The following TINAG variants were observed in gnomAD, a reference collection of about 807,000 sequenced individuals.
TINAG encodes the protein tubulointerstitial nephritis antigen.
In TINAG, 83 loss-of-function variants were observed where a neutral mutation model predicts 72.7. That is an observed-to-expected ratio of 1.14 (90% CI 0.96 to 1.37). TINAG has a LOEUF of 1.37. Among genes scored for constraint, TINAG ranks in the 40% most tolerant of loss-of-function variants. The pLI is 0.00. For missense variants in TINAG, 685 were observed against 576.6 expected (o/e 1.19, Z -1.93); for synonymous variants, 234 against 189.9 (o/e 1.23, Z -1.91).
At chr6:54,339,810 AAGG>A (rs2150952047) in intron 4 of TINAG, among the ~76,000 whole-genome samples, 1 of 152,300 alleles carries the variant, frequency 6.6e-6, no homozygotes, top group South Asian at 2.1e-4. Context: ...TTAGATTGTA[AAGG>A]TCATAACAGA....
intron 1 of TINAG, among the ~76,000 whole-genome samples, chr6:54,310,719 TTTC>T (rs1337334661): frequency 5.6e-5 from 7 of 124,132 alleles, no homozygotes; most frequent in Non-Finnish European, 5.5e-5. Flanking sequence ...TCTCTCCCTC[TTTC>T]TTTTTTCTCT....
At chr6:54,335,839 G>T (rs1344806699) in intron 4 of TINAG, among the ~76,000 whole-genome samples, 5 of 152,162 alleles carry the variant, frequency 3.3e-5, no homozygotes, top group Non-Finnish European at 7.3e-5. Flanking sequence ...TTCAATGCAT[G>T]ATAGACTATA....
At chr6:54,376,212 T>A (rs1763771799) in intron 9 of TINAG, among the ~76,000 whole-genome samples, 1 of 152,206 alleles carries the variant, frequency 6.6e-6, no homozygotes, top group Admixed American at 6.6e-5. Context: ...GTTCAAAACA[T>A]GCTCTTTTTA....
intron 4 of TINAG, among the ~76,000 whole-genome samples, chr6:54,327,711 A>T (rs182108619): frequency 2.1e-4 from 32 of 152,250 alleles, no homozygotes; most frequent in African/African-American, 7.5e-4. Flanking sequence ...CTGGCTTGAC[A>T]TTCTCACTGC....
intron 9 of TINAG, among the ~76,000 whole-genome samples, chr6:54,363,035 G>A (rs1209119138): frequency 5.9e-5 from 9 of 151,600 alleles, no homozygotes; most frequent in South Asian, 2.1e-4. Flanking sequence ...GAGAAACGTC[G>A]CTGAGGAAGT....
chr6:54,354,473 T>G, intron 8 of TINAG, 40 bp from the exon 9 acceptor site: 1 of 1,565,520 alleles, frequency 6.4e-7, no homozygotes, highest in South Asian at 1.2e-5. Context: ...AAGATGATAT[T>G]TTAATACTGT....
chr6:54,350,138 A>G (rs943340355), intron 7 of TINAG, among the ~76,000 whole-genome samples: 1 of 152,118 alleles, frequency 6.6e-6, no homozygotes, highest in Non-Finnish European at 1.5e-5. Context: ...ATAGGGTTTT[A>G]AAATTATGTT....
intron 9 of TINAG, chr6:54,365,232 G>C (rs529228047): frequency 6.6e-6 from 1 of 151,472 alleles, no homozygotes; most frequent in South Asian, 2.1e-4. Flanking sequence ...CATTTAATTC[G>C]GGTGTTAGAA....
At position 54,347,373 on chromosome 6, in the gene TINAG, C is replaced by T. The variant is rs189982994; in HGVS notation, c.755C>T (p.Ala252Val). Residue 252 changes from alanine to valine, a missense_variant, in exon 6 of 11, where the codon GCT becomes GTT. Physicochemically the swap from Ala to Val is moderately conservative, Grantham distance 64. Coordinates refer to ENST00000259782, the MANE Select transcript of TINAG (RefSeq NM_014464.4). The stretch of plus-strand genomic sequence containing the variant: ...GATATTCTATTTGAAACAGGTGTGG[C>T]TGCTGACCGAATAGCAATTCAGTCT... Reference protein sequence around the residue: ...ASWAFSTASVAADRIAIQSKG... With the variant: ...ASWAFSTASVVADRIAIQSKG... The T allele has an allele frequency of 6.2e-7, 1 of 1,612,324 alleles. No homozygotes were observed. The highest frequency in any genetic ancestry group is 1.3e-5 in the African/African-American group (1 of 74,932).
chr6:54,317,228 C>G (rs1285905999), intron 1 of TINAG, among the ~76,000 whole-genome samples: 1 of 150,188 alleles, frequency 6.7e-6, no homozygotes, highest in Non-Finnish European at 1.5e-5. Flanking sequence ...CTACCATTCT[C>G]TCTCGCTTTC....
At chr6:54,367,423 A>C (rs1365222212) in intron 9 of TINAG, among the ~76,000 whole-genome samples, 1 of 151,806 alleles carries the variant, frequency 6.6e-6, no homozygotes, top group Non-Finnish European at 1.5e-5. Context: ...AATTTGCCTG[A>C]CCTTGAAGTG....
intron 7 of TINAG, 26 bp downstream of exon 7, chr6:54,349,922 A>G: frequency 6.7e-7 from 1 of 1,491,374 alleles, no homozygotes; most frequent in Non-Finnish European, 9.0e-7. Context: ...AAGAATCAAG[A>G]ATAGTTGGCT....
chr6:54,355,075 G>T (rs1201851394), intron 9 of TINAG, among the ~76,000 whole-genome samples: 1 of 151,854 alleles, frequency 6.6e-6, no homozygotes, highest in Admixed American at 6.6e-5. Flanking sequence ...GAGAATTGTA[G>T]AAATTAGATT....
At chr6:54,358,383 G>T (rs535369158) in intron 9 of TINAG, among the ~76,000 whole-genome samples, 1 of 151,924 alleles carries the variant, frequency 6.6e-6, no homozygotes, top group South Asian at 2.1e-4. Context: ...ATTATTTACT[G>T]AGGTAGCCAA....
intron 7 of TINAG, among the ~76,000 whole-genome samples, chr6:54,350,941 C>G (rs774221610): frequency 4.0e-5 from 6 of 151,670 alleles, no homozygotes; most frequent in Admixed American, 2.6e-4. Flanking sequence ...GAGTGCCCTG[C>G]CTCCCTACAG....
intron 10 of TINAG, among the ~76,000 whole-genome samples, chr6:54,386,171 G>A (rs555573310): frequency 1.3e-4 from 20 of 152,238 alleles, no homozygotes; most frequent in East Asian, 9.7e-4. Flanking sequence ...AATTACAGGC[G>A]TGAGCCAGTG....
At chr6:54,376,550 TATC>T (rs1453794915) in intron 9 of TINAG, among the ~76,000 whole-genome samples, 6 of 152,088 alleles carry the variant, frequency 3.9e-5, no homozygotes, top group Non-Finnish European at 8.8e-5. Context: ...AAGAAAAAAA[TATC>T]ATTTAAAATC....
intron 3 of TINAG, among the ~76,000 whole-genome samples, chr6:54,322,318 A>G (rs1336680147): frequency 6.8e-6 from 1 of 147,870 alleles, no homozygotes; most frequent in African/African-American, 2.6e-5. Context: ...AAAAAAACAA[A>G]ACAAAACAAA....
rs191838512 is a variant in TINAG at position 54,365,932 on chromosome 6, A to T, written c.1250+11296A>T. Among the ~76,000 whole-genome samples, 5 of 151,576 alleles carry T rather than the reference A, an allele frequency of 3.3e-5. No individual in the cohort carries two copies. In the Admixed American group the frequency reaches 3.3e-4, roughly 10 times the overall value. On this transcript the variant is annotated intron_variant, in intron 9 of 10. Transcript: ENST00000259782. ...GTAGTACCAGCTACTTAGGAAGCTGAGGCAAAAATCTTGTTTGAGCCTAGG... is the reference window on the plus strand; with the variant it reads ...GTAGTACCAGCTACTTAGGAAGCTGTGGCAAAAATCTTGTTTGAGCCTAGG...
Sources: gnomAD v4.1 joint callset for allele counts (sites outside exome capture counted in the v4.1 genomes callset) on GRCh38, gnomAD v4.1.1 for gene constraint, MANE v1.5 for transcripts, NCBI Gene and HGNC (gene_info 2026-07-23, HGNC 2026-07-21) for gene names.